Variants in DYRK1A observed in about 807,000 individuals in gnomAD.
DYRK1A encodes dual specificity tyrosine-phosphorylation-regulated kinase 1A.
DYRK1A carries 9 observed loss-of-function variants against 79.7 expected under a neutral mutation model. The observed-to-expected ratio is 0.11, with a 90% confidence interval of 0.07 to 0.20. The LOEUF is 0.20. Among genes scored for constraint, DYRK1A ranks in the 10% least tolerant of loss-of-function variants. DYRK1A has a pLI of 1.00. For missense variants in DYRK1A, 622 were observed against 956.0 expected (o/e 0.65, Z 4.61); for synonymous variants, 349 against 329.7 (o/e 1.06, Z -0.63).
At chr21:37,393,628 T>C (rs1338291487) in intron 1 of DYRK1A, among the ~76,000 whole-genome samples, 2 of 152,270 alleles carry the variant, frequency 1.3e-5, no homozygotes, top group African/African-American at 2.4e-5. Context: ...TGTAATTCTT[T>C]CCTTGTATTT....
chr21:37,482,031 CTT>C (rs956527408), intron 5 of DYRK1A, among the ~76,000 whole-genome samples: 1 of 152,162 alleles, frequency 6.6e-6, no homozygotes, highest in Non-Finnish European at 1.5e-5. Context: ...GCAGTCCAAA[CTT>C]TTGACTTTTC....
At chr21:37,475,797 A>AT (rs999355462) in intron 3 of DYRK1A, among the ~76,000 whole-genome samples, 41 of 151,822 alleles carry the variant, frequency 2.7e-4, no homozygotes, top group Non-Finnish European at 4.3e-4. Context: ...TATATTTGAA[A>AT]TTTTTTTTTG....
intron 2 of DYRK1A, among the ~76,000 whole-genome samples, chr21:37,441,423 C>A (rs553490627): frequency 5.9e-5 from 9 of 152,080 alleles, no homozygotes; most frequent in African/African-American, 2.2e-4. Context: ...TGTCATCCTG[C>A]TATTTATTTC....
chr21:37,523,808 C>T lies in DYRK1A; in HGVS notation c.*11277C>T, dbSNP rs544401360. 8 of 152,288 alleles carry T rather than the reference C, an allele frequency of 5.3e-5. No homozygotes were observed. The South Asian group carries it at 1.4e-3, about 28-fold the overall frequency. 9.4% of individuals were successfully genotyped at this position (152,288 alleles called of 1,614,324 possible). On this transcript the variant is annotated 3_prime_UTR_variant, in exon 12 of 12. Coordinates refer to ENST00000647188, the MANE Select transcript of DYRK1A (RefSeq NM_001347721.2). Reference sequence around the variant, plus strand: ...TAAATGAAGTTTTATTGGAACATAACCACATTCATTTGCAAGTTGTCCACG... The same window carrying T: ...TAAATGAAGTTTTATTGGAACATAATCACATTCATTTGCAAGTTGTCCACG...
At chr21:37,472,570 G>GT in intron 2 of DYRK1A, 114 bp from the exon 3 acceptor site, 1 of 887,770 alleles carries the variant, frequency 1.1e-6, no homozygotes. Flanking sequence ...AGTTAGAAAA[G>GT]TTTTTTAATA....
In DYRK1A at chr21:37,512,880, TA is replaced by T; in HGVS notation, c.*353del. On this transcript the variant is annotated 3_prime_UTR_variant, in exon 12 of 12. Transcript: ENST00000647188. ...GGTCATTTGCCAACTAATTTTAAAG[TA>T]AAAGGCACTGCACATAATTTGCATA... 4.7e-6 allele frequency: 1 copy of T among 212,226 alleles called. No homozygotes were observed. Among genetic ancestry groups the T allele is most frequent in the Non-Finnish European group, 9.5e-6 (1 of 105,380 alleles). The allele number at this position is 212,226 out of a possible 1,614,324, so 13.1% of individuals were successfully genotyped here.
At chr21:37,448,522 G>A (rs947216176) in intron 2 of DYRK1A, among the ~76,000 whole-genome samples, 5 of 151,896 alleles carry the variant, frequency 3.3e-5, no homozygotes, top group Non-Finnish European at 7.4e-5. Context: ...ACATAACTTT[G>A]TTTTTATAAT....
intron 1 of DYRK1A, among the ~76,000 whole-genome samples, chr21:37,416,466 TAAG>T (rs1365349916): frequency 6.6e-6 from 1 of 151,910 alleles, no homozygotes; most frequent in East Asian, 1.9e-4. Flanking sequence ...TTATTGGAAA[TAAG>T]AGATTTTTTT....
At chr21:37,496,551 TAATA>T (rs1396425591) in intron 9 of DYRK1A, among the ~76,000 whole-genome samples, 3 of 152,226 alleles carry the variant, frequency 2.0e-5, no homozygotes, top group Admixed American at 6.5e-5. Flanking sequence ...ACAGTAGAAT[TAATA>T]AATTTGATCT....
At chr21:37,462,254 G>GC (rs1246943903) in intron 2 of DYRK1A, among the ~76,000 whole-genome samples, 1 of 152,106 alleles carries the variant, frequency 6.6e-6, no homozygotes, top group Non-Finnish European at 1.5e-5. Context: ...AGGAATGCTG[G>GC]CCCGTGAGTG....
Position 37,520,615 on chromosome 21 carries a change from ATT to A in DYRK1A, c.*8086_*8087del, listed in dbSNP as rs2053928175. 1 of 152,148 alleles carries A rather than the reference ATT, an allele frequency of 6.6e-6. No individual in the cohort carries two copies. Among genetic ancestry groups the A allele is most frequent in the African/African-American group, 2.4e-5 (1 of 41,414 alleles). The allele number at this position is 152,148 out of a possible 1,614,324, so 9.4% of individuals were successfully genotyped here. A position where few individuals can be genotyped will look rare whatever the true frequency, so the allele number is the denominator to read the frequency against. On this transcript the variant is annotated 3_prime_UTR_variant, in exon 12 of 12. Transcript: ENST00000647188. ...TGATTTGCATTACAATGGGCCGTGGATTTGGATGGATGATGAAGCTGAAACAA... is the reference window on the plus strand; with the variant it reads ...TGATTTGCATTACAATGGGCCGTGGATGGATGGATGATGAAGCTGAAACAA...
chr21:37,396,517 A>C (rs573838764), intron 1 of DYRK1A, among the ~76,000 whole-genome samples: 1 of 142,584 alleles, frequency 7.0e-6, no homozygotes, highest in Non-Finnish European at 1.6e-5. Context: ...AAATTAATCC[A>C]AAGTTTTTTT....
chr21:37,452,380 A>C (rs2051482655), intron 2 of DYRK1A, among the ~76,000 whole-genome samples: 1 of 151,954 alleles, frequency 6.6e-6, no homozygotes, highest in Non-Finnish European at 1.5e-5. Flanking sequence ...GGGGAGGTGG[A>C]AGTAAGAGAG....
chr21:37,487,968 A>G (rs2052932961), intron 6 of DYRK1A: 1 of 152,106 alleles, frequency 6.6e-6, no homozygotes, highest in African/African-American at 2.4e-5. Flanking sequence ...TGACTTACAC[A>G]ATGATCTCTG....
chr21:37,501,569 G>C (rs2053453068), intron 9 of DYRK1A: 1 of 152,100 alleles, frequency 6.6e-6, no homozygotes, highest in Non-Finnish European at 1.5e-5. Flanking sequence ...AAATATTTGA[G>C]GATTTTCTAG....
intron 1 of DYRK1A, among the ~76,000 whole-genome samples, chr21:37,382,996 A>G (rs930871044): frequency 2.6e-5 from 4 of 152,146 alleles, no homozygotes; most frequent in Admixed American, 2.6e-4. Context: ...TGTTTGGGGA[A>G]GTCTTTATCT....
chr21:37,381,320 A>G (rs1292226065), intron 1 of DYRK1A, among the ~76,000 whole-genome samples: 1 of 152,238 alleles, frequency 6.6e-6, no homozygotes, highest in Admixed American at 6.5e-5. Flanking sequence ...AGTTCTATGT[A>G]GTCAGGAGAA....
At chr21:37,458,461 G>A (rs2051732098) in intron 2 of DYRK1A, among the ~76,000 whole-genome samples, 2 of 152,054 alleles carry the variant, frequency 1.3e-5, no homozygotes, top group Non-Finnish European at 2.9e-5. Context: ...TCGTCTTTGA[G>A]GCACATTTCC....
intron 9 of DYRK1A, chr21:37,502,747 T>G (rs2053488199): frequency 6.6e-6 from 1 of 152,216 alleles, no homozygotes; most frequent in East Asian, 1.9e-4. Context: ...TATTATTTCT[T>G]CAGCCTCAAG....
Sources: allele counts gnomAD v4.1 joint callset (sites outside exome capture counted in the v4.1 genomes callset), GRCh38; gene constraint gnomAD v4.1.1; transcripts MANE v1.5; gene names NCBI Gene and HGNC (gene_info 2026-07-23, HGNC 2026-07-21).